The following NDUFB3 variants were observed in gnomAD, a reference collection of about 807,000 sequenced individuals.
NDUFB3 encodes NADH dehydrogenase [ubiquinone] 1 beta subcomplex subunit 3.
NDUFB3 carries 7 observed loss-of-function variants against 9.0 expected under a neutral mutation model. That is an observed-to-expected ratio of 0.78 (90% CI 0.44 to 1.46). NDUFB3 has a LOEUF of 1.46. NDUFB3 is among the 40% of genes most tolerant of loss of function. NDUFB3 has a pLI of 0.01. For missense variants in NDUFB3, 93 were observed against 115.4 expected (o/e 0.81, Z 0.89); for synonymous variants, 29 against 38.5 (o/e 0.75, Z 0.91).
intron 2 of NDUFB3, among the ~76,000 whole-genome samples, chr2:201,079,594 C>A (rs1263264581): frequency 6.6e-6 from 1 of 152,126 alleles, no homozygotes; most frequent in Non-Finnish European, 1.5e-5. Context: ...AGGCATGGGC[C>A]ACCATGCCCA....
chr2:201,075,979 G>A (rs912306910), intron 1 of NDUFB3, among the ~76,000 whole-genome samples: 1 of 152,066 alleles, frequency 6.6e-6, no homozygotes, highest in Non-Finnish European at 1.5e-5. Flanking sequence ...TTGAAAACAT[G>A]GTATGCAGAA....
intron 1 of NDUFB3, among the ~76,000 whole-genome samples, chr2:201,078,162 C>T (rs1369286039): frequency 6.6e-6 from 1 of 152,066 alleles, no homozygotes; most frequent in Non-Finnish European, 1.5e-5. Context: ...ATTAGCCGGG[C>T]GTGGTGGCGG....
intron 2 of NDUFB3, among the ~76,000 whole-genome samples, chr2:201,082,953 T>G (rs2047245814): frequency 6.6e-6 from 1 of 151,838 alleles, no homozygotes; most frequent in African/African-American, 2.4e-5. Flanking sequence ...GACCTCATGA[T>G]CCACCCGCCT....
chr2:201,075,387 A>T (rs1417871083), intron 1 of NDUFB3, among the ~76,000 whole-genome samples: 2 of 151,780 alleles, frequency 1.3e-5, no homozygotes, highest in Non-Finnish European at 2.9e-5. Context: ...AACACGGTGA[A>T]ACCCCATCTC....
intron 1 of NDUFB3, among the ~76,000 whole-genome samples, chr2:201,073,701 G>A (rs1391856118): frequency 6.6e-6 from 1 of 151,984 alleles, no homozygotes; most frequent in African/African-American, 2.4e-5. Context: ...CTGGGAGGCG[G>A]AGGTTGCAGT....
At chr2:201,076,927 T>G (rs1163053836) in intron 1 of NDUFB3, among the ~76,000 whole-genome samples, 1 of 151,820 alleles carries the variant, frequency 6.6e-6, no homozygotes, top group Non-Finnish European at 1.5e-5. Context: ...ATGGGGAAAC[T>G]CCATCTCTAC....
rs771752490 is a variant in NDUFB3 at position 201,085,558 on chromosome 2, A to T, written c.240A>T (p.Val80=). The stretch of plus-strand genomic sequence containing the variant: ...AATGGGGATTTGCTGCATTTGTGGT[A>T]GCTGTAGGAGCTGAATATTACCTGG... ...GFKWGFAAFV[V]AVGAEYYLES... is the part of the protein sequence containing the mutation. The change falls in exon 3 of 3, where the codon GTA becomes GTT. Residue 80 remains valine, a synonymous_variant. Coordinates refer to ENST00000237889, the MANE Select transcript of NDUFB3 (RefSeq NM_002491.3). 1.9e-6 allele frequency: 3 copies of T among 1,612,766 alleles called. No individual in the cohort carries two copies. The highest frequency in any genetic ancestry group is 2.5e-6 in the Non-Finnish European group (3 of 1,179,302).
intron 1 of NDUFB3, among the ~76,000 whole-genome samples, chr2:201,077,954 A>G (rs1272120399): frequency 6.6e-6 from 1 of 152,182 alleles, no homozygotes; most frequent in African/African-American, 2.4e-5. Context: ...CCTTTTTATT[A>G]TACATATTTA....
Position 201,079,026 on chromosome 2 carries a change from A to G in NDUFB3, c.140+4A>G. ...GGCTAAGGGATCCATGGGGCCGGTA[A>G]GATGAATTAAGTAATTTAGATAGAA... On this transcript the variant is annotated splice_donor_region_variant and intron_variant, in intron 2 of 2. Transcript: ENST00000237889. 2 of 1,605,624 alleles carry G rather than the reference A, an allele frequency of 1.2e-6. No individual in the cohort carries two copies. Among genetic ancestry groups the G allele is most frequent in the Non-Finnish European group, 1.7e-6 (2 of 1,177,904 alleles).
Position 201,079,029 on chromosome 2 carries a change from T to C in NDUFB3, c.140+7T>C. 6.2e-7 allele frequency: 1 copy of C among 1,604,794 alleles called. No homozygotes were observed. Among genetic ancestry groups the C allele is most frequent in the Non-Finnish European group, 8.5e-7 (1 of 1,177,672 alleles). On this transcript the variant is annotated splice_region_variant and intron_variant, in intron 2 of 2. Coordinates refer to ENST00000237889, the MANE Select transcript of NDUFB3 (RefSeq NM_002491.3). ...TAAGGGATCCATGGGGCCGGTAAGA[T>C]GAATTAAGTAATTTAGATAGAATGT...
chr2:201,074,014 G>A (rs1424864081), intron 1 of NDUFB3, among the ~76,000 whole-genome samples: 1 of 151,898 alleles, frequency 6.6e-6, no homozygotes, highest in Admixed American at 6.6e-5. Context: ...GTGCAGTGGC[G>A]CGATCTCGGC....
At chr2:201,083,433 CA>C (rs1401040471) in intron 2 of NDUFB3, among the ~76,000 whole-genome samples, 12 of 150,448 alleles carry the variant, frequency 8.0e-5, no homozygotes, top group Admixed American at 8.0e-4. Flanking sequence ...TGGCTCACCG[CA>C]ACCTCTGCCT....
At chr2:201,084,457 C>CATAA (rs1306136656) in intron 2 of NDUFB3, among the ~76,000 whole-genome samples, 1 of 151,696 alleles carries the variant, frequency 6.6e-6, no homozygotes. Flanking sequence ...GAGACTCTGT[C>CATAA]ATAAATAAAT....
At chr2:201,081,211 T>C (rs1243456211) in intron 2 of NDUFB3, among the ~76,000 whole-genome samples, 1 of 151,724 alleles carries the variant, frequency 6.6e-6, no homozygotes, top group East Asian at 1.9e-4. Context: ...GGGCCAGGCA[T>C]GGTGGCTCAC....
chr2:201,083,351 CTTTTTTTT>C (rs748310803), intron 2 of NDUFB3, among the ~76,000 whole-genome samples: 12 of 119,974 alleles, frequency 1.0e-4, no homozygotes, highest in African/African-American at 3.9e-4. Flanking sequence ...TTTATTATTT[CTTTTTTTT>C]TTTTTTTTTT....
chr2:201,074,870 A>G (rs1333950923), intron 1 of NDUFB3, among the ~76,000 whole-genome samples: 3 of 152,174 alleles, frequency 2.0e-5, no homozygotes, highest in South Asian at 4.1e-4. Flanking sequence ...CTCAGCTCTC[A>G]CGATCTTGCA....
intron 1 of NDUFB3, among the ~76,000 whole-genome samples, chr2:201,077,590 C>G (rs1169435237): frequency 6.6e-6 from 1 of 152,156 alleles, no homozygotes; most frequent in Non-Finnish European, 1.5e-5. Flanking sequence ...TACAAATGAA[C>G]ATTTGTAATG....
intron 2 of NDUFB3, among the ~76,000 whole-genome samples, chr2:201,080,572 G>GA (rs988007822): frequency 4.0e-5 from 6 of 149,838 alleles, no homozygotes; most frequent in African/African-American, 1.2e-4. Context: ...CTTGCCTCAA[G>GA]AAAAAAAAAT....
chr2:201,085,565 G>A lies in NDUFB3; in HGVS notation c.247G>A (p.Gly83Arg). The A allele has an allele frequency of 2.5e-6, 4 of 1,612,708 alleles. No individual in the cohort carries two copies. Among genetic ancestry groups the A allele is most frequent in the Non-Finnish European group, 3.4e-6 (4 of 1,179,280 alleles). ...WGFAAFVVAV[G>R]AEYYLESLNK... Reference sequence around the variant, plus strand: ...ATTTGCTGCATTTGTGGTAGCTGTAGGAGCTGAATATTACCTGGAGTCCCT... The same window carrying A: ...ATTTGCTGCATTTGTGGTAGCTGTAAGAGCTGAATATTACCTGGAGTCCCT... Residue 83 changes from glycine (G) to arginine (R), a missense_variant, in exon 3 of 3, where the codon GGA (glycine) becomes AGA (arginine). Physicochemically the swap from Gly to Arg is moderately radical, Grantham distance 125. Coordinates refer to ENST00000237889, the MANE Select transcript of NDUFB3 (RefSeq NM_002491.3).
Sources: gnomAD v4.1 joint callset for allele counts (sites outside exome capture counted in the v4.1 genomes callset) on GRCh38, gnomAD v4.1.1 for gene constraint, MANE v1.5 for transcripts, NCBI Gene and HGNC (gene_info 2026-07-23, HGNC 2026-07-21) for gene names.